The following ZPBP variants were observed in gnomAD, a reference collection of about 807,000 sequenced individuals.
The protein encoded by ZPBP is zona pellucida binding protein.
ZPBP carries 26 observed loss-of-function variants against 44.8 expected under a neutral mutation model. The ratio of observed to expected loss-of-function variants is 0.58; its 90% CI spans 0.43 to 0.81. The LOEUF (loss-of-function observed/expected upper bound fraction) is 0.81. ZPBP is among the 30% of genes least tolerant of loss of function. The pLI, the probability that ZPBP is intolerant of heterozygous loss-of-function variation, is 0.00. For synonymous variants in ZPBP, 174 were observed against 153.2 expected, an observed-to-expected ratio of 1.14 and a Z score of -1.00; for missense variants, 409 against 434.0, an observed-to-expected ratio of 0.94 and a Z score of 0.51.
intron 5 of ZPBP, among the ~76,000 whole-genome samples, chr7:50,020,632 T>G (rs1418440272): frequency 6.6e-6 from 1 of 152,130 alleles, no homozygotes; most frequent in East Asian, 1.9e-4. Flanking sequence ...TCACCTAGCT[T>G]TTTGTAAGAT....
intron 4 of ZPBP, among the ~76,000 whole-genome samples, chr7:50,047,736 A>G (rs1562869560): frequency 1.3e-5 from 2 of 151,610 alleles, no homozygotes; most frequent in African/African-American, 2.4e-5. Flanking sequence ...AGGGTGCCTC[A>G]TGAGAAAATG....
chr7:50,055,729 A>T (rs1354958285), intron 4 of ZPBP, among the ~76,000 whole-genome samples: 6 of 152,218 alleles, frequency 3.9e-5, no homozygotes, highest in Admixed American at 3.9e-4. Context: ...AATTACATGT[A>T]AAAACAAGCA....
At chr7:50,068,167 C>T (rs1046375289) in intron 3 of ZPBP, among the ~76,000 whole-genome samples, 1 of 152,038 alleles carries the variant, frequency 6.6e-6, no homozygotes, top group Non-Finnish European at 1.5e-5. Context: ...TAGCCATGAA[C>T]AAGACATTTG....
chr7:49,886,173 C>T (rs1367088619), intron 2 of ZPBP, among the ~76,000 whole-genome samples: 1 of 152,296 alleles, frequency 6.6e-6, no homozygotes, highest in African/African-American at 2.4e-5. Flanking sequence ...GAATTTGGGG[C>T]ACCACAGTGT....
intron 2 of ZPBP, among the ~76,000 whole-genome samples, chr7:49,865,799 A>G (rs1448954428): frequency 6.6e-6 from 1 of 152,126 alleles, no homozygotes; most frequent in Admixed American, 6.5e-5. Flanking sequence ...AGATATATCA[A>G]CCTTATCCCA....
intron 2 of ZPBP, among the ~76,000 whole-genome samples, chr7:49,852,811 G>A (rs1341686275): frequency 1.3e-5 from 2 of 152,146 alleles, no homozygotes; most frequent in African/African-American, 4.8e-5. Flanking sequence ...AGGAACATTT[G>A]GCCATGACTT....
At chr7:49,873,611 T>C (rs1461143170) in intron 2 of ZPBP, among the ~76,000 whole-genome samples, 3 of 152,208 alleles carry the variant, frequency 2.0e-5, no homozygotes, top group Non-Finnish European at 2.9e-5. Flanking sequence ...GGAAAAAAGT[T>C]TGCCAGTATA....
intron 6 of ZPBP, among the ~76,000 whole-genome samples, chr7:49,993,328 C>T (rs1056485959): frequency 4.0e-5 from 6 of 151,708 alleles, no homozygotes; most frequent in Non-Finnish European, 7.4e-5. Context: ...AAGACACAAT[C>T]TAAAGAAGGC....
chr7:49,911,867 A>C (rs1429637702), intron 1 of ZPBP, among the ~76,000 whole-genome samples: 2 of 151,924 alleles, frequency 1.3e-5, no homozygotes, highest in Non-Finnish European at 1.5e-5. Context: ...ACTGCACTCC[A>C]GCCTGGGTGA....
At chr7:50,001,469 A>T (rs189361344) in intron 6 of ZPBP, among the ~76,000 whole-genome samples, 4 of 152,162 alleles carry the variant, frequency 2.6e-5, no homozygotes, top group African/African-American at 9.7e-5. Flanking sequence ...GGGGAAAAAA[A>T]CTTAAGAAAA....
chr7:49,870,762 T>G lies in ZPBP; in HGVS notation n.510-20248A>C, dbSNP rs80097074. On this transcript the variant is annotated intron_variant and non_coding_transcript_variant, in intron 2 of 2. Coordinates refer to the ZPBP transcript ENST00000465922. ...CACACTGCTGAAAATGCAACCTGCA[T>G]GATAATGCATGATTGGAAAAGAGTC... Among the ~76,000 whole-genome samples the G allele has an allele frequency of 4.2e-3, 640 of 152,316 alleles. 4 individuals are homozygous for G. The highest frequency in any genetic ancestry group is 0.015 in the African/African-American group (622 of 41,558).
chr7:49,891,073 A>T (rs1166701083), intron 2 of ZPBP, among the ~76,000 whole-genome samples: 4 of 152,244 alleles, frequency 2.6e-5, no homozygotes, highest in African/African-American at 7.2e-5. Flanking sequence ...TTTTTAAGAC[A>T]AAGATTTTCA....
At chr7:49,947,766 G>A (rs1795165750) in intron 7 of ZPBP, among the ~76,000 whole-genome samples, 1 of 152,210 alleles carries the variant, frequency 6.6e-6, no homozygotes, top group South Asian at 2.1e-4. Flanking sequence ...CAGGTAGTGA[G>A]TCCAGCCAGG....
intron 2 of ZPBP, among the ~76,000 whole-genome samples, chr7:49,851,153 G>A (rs997261416): frequency 6.6e-6 from 1 of 152,182 alleles, no homozygotes; most frequent in Admixed American, 6.5e-5. Context: ...GGGTTTTAGA[G>A]GCTTCACTGC....
At chr7:50,033,758 T>C (rs979325528) in intron 4 of ZPBP, among the ~76,000 whole-genome samples, 1 of 152,048 alleles carries the variant, frequency 6.6e-6, no homozygotes, top group Non-Finnish European at 1.5e-5. Context: ...AGCAGCACAA[T>C]CTCTGCTCAC....
At chr7:49,947,640 G>A (rs1267207717) in intron 7 of ZPBP, among the ~76,000 whole-genome samples, 1 of 152,220 alleles carries the variant, frequency 6.6e-6, no homozygotes, top group Non-Finnish European at 1.5e-5. Context: ...CACCACCTGT[G>A]ACTGCACTGG....
At chr7:49,903,038 G>C (rs1405120281) in intron 1 of ZPBP, among the ~76,000 whole-genome samples, 1 of 152,032 alleles carries the variant, frequency 6.6e-6, no homozygotes, top group Non-Finnish European at 1.5e-5. Flanking sequence ...CCGCCACTAG[G>C]GAAATACAAA....
chr7:49,884,724 G>T (rs1567269), intron 2 of ZPBP, among the ~76,000 whole-genome samples: 3 of 151,980 alleles, frequency 2.0e-5, no homozygotes, highest in Admixed American at 6.6e-5. Context: ...CCAAACTCAA[G>T]TCAAGTTTTA....
intron 7 of ZPBP, among the ~76,000 whole-genome samples, chr7:49,982,152 A>G (rs1652796645): frequency 3.0e-5 from 2 of 65,946 alleles, no homozygotes; most frequent in South Asian, 9.3e-4. Flanking sequence ...TAAAATATAT[A>G]ATATATAATA....
Sources: gnomAD v4.1 joint callset for allele counts (sites outside exome capture counted in the v4.1 genomes callset) on GRCh38, gnomAD v4.1.1 for gene constraint, MANE v1.5 for transcripts, NCBI Gene and HGNC (gene_info 2026-07-23, HGNC 2026-07-21) for gene names.